LRRC41: variants seen among roughly 807,000 people sequenced by gnomAD.
LRRC41 encodes the protein leucine rich repeat containing 41, also known as leucine-rich repeat-containing protein 41.
A neutral mutation model predicts 72.1 loss-of-function variants in LRRC41; 17 were observed. The observed-to-expected ratio is 0.24, with a 90% CI of 0.16 to 0.35. LRRC41 has a LOEUF of 0.35. Among genes scored for constraint, LRRC41 ranks in the 10% least tolerant of loss-of-function variants. The pLI, the probability that LRRC41 is intolerant of heterozygous loss-of-function variation, is 1.00. For missense variants in LRRC41, 759 were observed against 1,065.0 expected, an observed-to-expected ratio of 0.71 and a Z score of 4.00; for synonymous variants, 427 against 431.0, an observed-to-expected ratio of 0.99 and a Z score of 0.11.
At position 46,279,173 on chromosome 1, in the gene LRRC41, C is replaced by G. The variant is rs937246223; in HGVS notation, c.2219+9G>C. 1.2e-6 allele frequency: 2 copies of G among 1,614,082 alleles called. No individual in the cohort carries two copies. The highest frequency in any genetic ancestry group is 1.6e-4 in the Middle Eastern group (1 of 6,062). ...CCCCATCCCTTGTCTTGCCCCTCCC[C>G]TCATGTACCTGATGTCCAGCTGACA... On this transcript the variant is annotated intron_variant, in intron 9 of 9. Coordinates refer to ENST00000617190, the MANE Select transcript of LRRC41 (RefSeq NM_006369.5). This position sits in a 1 kb window ranked among gnomAD's most constrained non-coding sequence, Gnocchi z 4.5.
At position 46,278,889 on chromosome 1, in the gene LRRC41, G is replaced by A. The variant is rs145793278; in HGVS notation, c.2415C>T (p.Phe805=). ...ATCACATGGTGCTAACATAATCTGC[G>A]AAGGCCTGGGATGAGTCCCATGAGT... The part of the protein sequence containing the change: ...VSDSWDSSQA[F]ADYVSTM Residue 805 remains phenylalanine (F), a synonymous_variant, in exon 10 of 10, where the codon TTC becomes TTT. Coordinates refer to ENST00000617190, the MANE Select transcript of LRRC41 (RefSeq NM_006369.5). The A allele has an allele frequency of 3.8e-5, 62 of 1,611,742 alleles. No homozygotes were observed. The African/African-American group carries it at 6.5e-4, about 17-fold the overall frequency.
At chr1:46,287,241 TG>T (rs1660903942) in intron 3 of LRRC41, among the ~76,000 whole-genome samples, 1 of 152,182 alleles carries the variant, frequency 6.6e-6, no homozygotes, top group South Asian at 2.1e-4. Context: ...CCCGAGTAGC[TG>T]GGACTACAGG....
chr1:46,278,676 C>G lies in LRRC41; in HGVS notation c.*189G>C. Reference sequence around the variant, plus strand: ...AGGGGCCCAAAGACTATAAACCCAGCTGTGAGAATGCCTGTTTGCTGGGCC... The same window carrying G: ...AGGGGCCCAAAGACTATAAACCCAGGTGTGAGAATGCCTGTTTGCTGGGCC... On this transcript the variant is annotated 3_prime_UTR_variant, in exon 10 of 10. Coordinates refer to ENST00000617190, the MANE Select transcript of LRRC41 (RefSeq NM_006369.5). 1.6e-6 allele frequency: 1 copy of G among 634,432 alleles called. No individual in the cohort carries two copies. The highest frequency in any genetic ancestry group is 2.0e-5 in the South Asian group (1 of 50,980). The allele number at this position is 634,432 out of a possible 1,614,324, so 39.3% of individuals were successfully genotyped here. A position where few individuals can be genotyped will look rare whatever the true frequency, so the allele number is the denominator to read the frequency against.
At chr1:46,290,614 GC>G (rs1007258846) in intron 3 of LRRC41, among the ~76,000 whole-genome samples, 2 of 149,048 alleles carry the variant, frequency 1.3e-5, no homozygotes, top group African/African-American at 5.0e-5. Flanking sequence ...ATTGTTTCTA[GC>G]TTTTTTTTTT....
rs902816852 is a variant in LRRC41, at chr1:46,280,299, G to A, written c.1922-9C>T. 5 of 1,612,858 alleles carry A rather than the reference G, an allele frequency of 3.1e-6. No homozygotes were observed. Among genetic ancestry groups the A allele is most frequent in the Non-Finnish European group, 4.2e-6 (5 of 1,178,922 alleles). On this transcript the variant is annotated splice_polypyrimidine_tract_variant and intron_variant, in intron 6 of 9. Transcript: ENST00000617190. ...CAGGGCTAGGTTGTACTCTGGATAG[G>A]AGGCAGAGACCATGGACCATGGACC...
chr1:46,280,997 T>C (rs760015765), intron 5 of LRRC41, 128 bp downstream of exon 5: 75 of 1,293,390 alleles, frequency 5.8e-5, no homozygotes, highest in Non-Finnish European at 7.6e-5. Flanking sequence ...AAAGGGGGGA[T>C]AGGTTCCAGA....
At position 46,285,050 on chromosome 1, in the gene LRRC41, T is replaced by C. The variant is rs1660856445; in HGVS notation, c.1495+312A>G. ...GTCAAACTCTAGCCCTGCCTGAGCATGCATATACTATACTGCTCCCACCTG... is the reference window on the plus strand; with the variant it reads ...GTCAAACTCTAGCCCTGCCTGAGCACGCATATACTATACTGCTCCCACCTG... On this transcript the variant is annotated intron_variant, in intron 4 of 9. Transcript: ENST00000617190. This position sits in a 1 kb window ranked among gnomAD's most constrained non-coding sequence, Gnocchi z 5.3. The C allele has an allele frequency of 2.7e-6, 1 of 374,962 alleles. No homozygotes were observed. The highest frequency in any genetic ancestry group is 5.1e-6 in the Non-Finnish European group (1 of 197,282). 23.2% of individuals were successfully genotyped at this position (374,962 alleles called of 1,614,324 possible).
At chr1:46,288,647 A>G (rs1660932784) in intron 3 of LRRC41, among the ~76,000 whole-genome samples, 1 of 152,220 alleles carries the variant, frequency 6.6e-6, no homozygotes, top group South Asian at 2.1e-4. Context: ...GGTTCTTAGA[A>G]GGAACTAGGC....
In LRRC41 at chr1:46,278,473, T is replaced by C. The variant is rs1306464926; in HGVS notation, c.*392A>G. 2 of 729,884 alleles carry C rather than the reference T, an allele frequency of 2.7e-6. No individual in the cohort carries two copies. Among genetic ancestry groups the C allele is most frequent in the African/African-American group, 3.5e-5 (2 of 56,526 alleles). 45.2% of individuals were successfully genotyped at this position (729,884 alleles called of 1,614,324 possible). On this transcript the variant is annotated 3_prime_UTR_variant, in exon 10 of 10. Transcript: ENST00000617190. ...AAAAAGAATAAAGGTATGAAAGGGT[T>C]TGAGGCCTGAGAGCAGTGTGGTAAG... is the stretch of plus-strand genomic sequence containing the variant.
rs369765092 is a variant in LRRC41 at position 46,278,836 on chromosome 1, G to C, written c.*29C>G. ...TCAGCCCCTGCAAGCTGATGGTACC[G>C]AGCATGAGACTGTGAGGTACGGGCC... On this transcript the variant is annotated 3_prime_UTR_variant, in exon 10 of 10. Coordinates refer to ENST00000617190, the MANE Select transcript of LRRC41 (RefSeq NM_006369.5). 6.3e-6 allele frequency: 10 copies of C among 1,594,698 alleles called. No homozygotes were observed. The highest frequency in any genetic ancestry group is 4.5e-5 in the East Asian group (2 of 44,766).
rs374097677 is a variant in LRRC41 at position 46,289,803 on chromosome 1, T to C, written c.358-3304A>G. Among the ~76,000 whole-genome samples the C allele has an allele frequency of 2.0e-5, 3 of 152,268 alleles. No homozygotes were observed. In the East Asian group the frequency reaches 5.8e-4, roughly 29 times the overall value. ...TATGCTAAAATTCGAAGCTGAGAGATGCTTGAGATCTAGTCCAGACCACTC... is the reference window on the plus strand; with the variant it reads ...TATGCTAAAATTCGAAGCTGAGAGACGCTTGAGATCTAGTCCAGACCACTC... On this transcript the variant is annotated intron_variant, in intron 3 of 9. Coordinates refer to ENST00000617190, the MANE Select transcript of LRRC41 (RefSeq NM_006369.5).
intron 1 of LRRC41, chr1:46,300,532 C>T (rs1661202592): frequency 6.6e-6 from 1 of 152,170 alleles, no homozygotes; most frequent in African/African-American, 2.4e-5. Context: ...TCCACATCAC[C>T]TTTCATCTGG....
At position 46,285,746 on chromosome 1, in the gene LRRC41, TAGA is replaced by T. The variant is rs551556013; in HGVS notation, c.1108_1110del (p.Ser370del). Reference sequence around the variant, plus strand: ...GCTGGTGCCCGTTTGTATGAGGATGTAGAAGAAGAGGCAGAGGAGGTGGCTGCT... The same window carrying T: ...GCTGGTGCCCGTTTGTATGAGGATGTAGAAGAGGCAGAGGAGGTGGCTGCT... On this transcript the variant is annotated inframe_deletion, in exon 4 of 10. Transcript: ENST00000617190. The surrounding 1 kb of genome is among the most constrained non-coding windows in gnomAD (Gnocchi z 5.3). 37 of 1,603,688 alleles carry T rather than the reference TAGA, an allele frequency of 2.3e-5. No individual in the cohort carries two copies. Among genetic ancestry groups the T allele is most frequent in the African/African-American group, 1.2e-4 (9 of 74,384 alleles).
rs1423663523 is a variant in LRRC41 at position 46,278,735 on chromosome 1, A to G, written c.*130T>C. 2 of 905,124 alleles carry G rather than the reference A, an allele frequency of 2.2e-6. No homozygotes were observed. The highest frequency in any genetic ancestry group is 5.0e-5 in the Admixed American group (2 of 40,312). 56.1% of individuals were successfully genotyped at this position (905,124 alleles called of 1,614,324 possible). A position where few individuals can be genotyped will look rare whatever the true frequency, so the allele number is the denominator to read the frequency against. On this transcript the variant is annotated 3_prime_UTR_variant, in exon 10 of 10. Coordinates refer to ENST00000617190, the MANE Select transcript of LRRC41 (RefSeq NM_006369.5). ...GCCTCCAGGACCTCAGTGCAAGGGA[A>G]GAAGGAAAAAAGAGAAAAAAGGTGA... is the stretch of plus-strand genomic sequence containing the variant.
intron 1 of LRRC41, chr1:46,299,107 C>T (rs1156266446): frequency 6.6e-6 from 1 of 152,234 alleles, no homozygotes; most frequent in Non-Finnish European, 1.5e-5. Flanking sequence ...CTGCTCTTGC[C>T]AACTTCTCTA....
At chr1:46,301,907 C>G (rs1199701923) in intron 1 of LRRC41, 6 of 971,866 alleles carry the variant, frequency 6.2e-6, no homozygotes, top group African/African-American at 1.8e-5. Context: ...CCCACCCTCA[C>G]AGAGCCAGCA....
In LRRC41 at chr1:46,303,116, C is replaced by T; in HGVS notation, c.199+8G>A. The T allele has an allele frequency of 7.1e-7, 1 of 1,403,532 alleles. No individual in the cohort carries two copies. Among genetic ancestry groups the T allele is most frequent in the Non-Finnish European group, 9.3e-7 (1 of 1,078,750 alleles). The allele number at this position is 1,403,532 out of a possible 1,614,324, so 86.9% of individuals were successfully genotyped here. On this transcript the variant is annotated splice_region_variant and intron_variant, in intron 1 of 9. Transcript: ENST00000617190. ...TAGCCAGAGGTAGCCCCTCACCCCG[C>T]GACTTACCCCACACCCCGCTCTCCA...
intron 3 of LRRC41, among the ~76,000 whole-genome samples, chr1:46,294,416 C>G (rs1661080320): frequency 6.6e-6 from 1 of 151,624 alleles, no homozygotes; most frequent in Non-Finnish European, 1.5e-5. Context: ...CCCTTTCTTT[C>G]TTTTTTTAAG....
In LRRC41 at chr1:46,285,528, T is replaced by G. The variant is rs1444344342; in HGVS notation, c.1329A>C (p.Ser443=). 1 of 1,614,078 alleles carries G rather than the reference T, an allele frequency of 6.2e-7. No individual in the cohort carries two copies. The highest frequency in any genetic ancestry group is 2.2e-5 in the East Asian group (1 of 44,888). The part of the protein sequence containing the change: ...GEVACGALDG[S]DPSCLGLPAL... ...CTGGAAGCCCCAGGCAGCTGGGATC[T>G]GATCCATCCAAAGCTCCACAAGCCA... Residue 443 remains serine (S), a synonymous_variant, in exon 4 of 10, where the codon TCA becomes TCC. Coordinates refer to ENST00000617190, the MANE Select transcript of LRRC41 (RefSeq NM_006369.5). The surrounding 1 kb of genome is among the most constrained non-coding windows in gnomAD (Gnocchi z 5.3).
Sources: allele counts gnomAD v4.1 joint callset (sites outside exome capture counted in the v4.1 genomes callset), GRCh38; gene constraint gnomAD v4.1.1; non-coding constraint Gnocchi (gnomAD v3.1); transcripts MANE v1.5; gene names NCBI Gene and HGNC (gene_info 2026-07-23, HGNC 2026-07-21).